The following PCM1 variants were observed in gnomAD, a reference collection of about 807,000 sequenced individuals.
PCM1 encodes pericentriolar material 1 protein.
In PCM1, 157 loss-of-function variants were observed where a neutral mutation model predicts 241.9. That is an observed-to-expected ratio of 0.65 (90% confidence interval 0.57 to 0.74). PCM1 has a LOEUF of 0.74. Ranked by LOEUF, PCM1 falls within the 30% of genes least tolerant of loss-of-function variation. The probability of loss-of-function intolerance (pLI) is 0.00; values close to 1 mark genes in which losing one functional copy is unlikely to be tolerated. For synonymous variants in PCM1, 1,085 were observed against 784.9 expected (o/e 1.38, Z -6.39); for missense variants, 3,478 against 2,360.1 (o/e 1.47, Z -9.81).
At chr8:18,014,110 A>AACAC (rs1554770348) in intron 35 of PCM1, 74 bp downstream of exon 35, 2 of 777,016 alleles carry the variant, frequency 2.6e-6, no homozygotes, top group African/African-American at 1.8e-5. Flanking sequence ...AAAAAAAAAA[A>AACAC]ACACACACAG....
intron 3 of PCM1, 116 bp from the exon 4 acceptor site, chr8:17,937,018 G>A: frequency 5.2e-6 from 4 of 768,922 alleles, no homozygotes; most frequent in Non-Finnish European, 6.1e-6. Context: ...GTATAAGTCT[G>A]TCAAAAATGT....
At position 17,981,920 on chromosome 8, in the gene PCM1, C is replaced by G. The variant is rs540115930; in HGVS notation, c.4108+1165C>G. On this transcript the variant is annotated intron_variant, in intron 24 of 38. Transcript: ENST00000325083. ...GACAAAAGGGGAAAAAAAAAAAAGA[C>G]ATTAAGATTTAGTGTTGTCTCAACA... Among the ~76,000 whole-genome samples the G allele has an allele frequency of 1.1e-4, 17 of 149,732 alleles. No individual in the cohort carries two copies. The East Asian group carries it at 3.3e-3, about 29-fold the overall frequency.
At chr8:17,964,103 G>C (rs1348174920) in intron 17 of PCM1, among the ~76,000 whole-genome samples, 3 of 152,112 alleles carry the variant, frequency 2.0e-5, no homozygotes, top group African/African-American at 7.2e-5. Flanking sequence ...ACTAGATATA[G>C]GTGGTTATTT....
At chr8:18,020,446 C>T (rs1365195042) in intron 36 of PCM1, among the ~76,000 whole-genome samples, 1 of 152,174 alleles carries the variant, frequency 6.6e-6, no homozygotes, top group Non-Finnish European at 1.5e-5. Flanking sequence ...TATCCTTCTC[C>T]TGTCACCTTC....
In PCM1 at chr8:17,947,429, G is replaced by C. The variant is rs545760638; in HGVS notation, c.961+66G>C. ...TCATACATAATTGTATTGCAGGGTGGATGCTGATTATTACATAATCAGATC... is the reference window on the plus strand; with the variant it reads ...TCATACATAATTGTATTGCAGGGTGCATGCTGATTATTACATAATCAGATC... On this transcript the variant is annotated intron_variant, in intron 7 of 38. Transcript: ENST00000325083. 4 of 1,130,370 alleles carry C rather than the reference G, an allele frequency of 3.5e-6. No individual in the cohort carries two copies. In the African/African-American group the frequency reaches 6.2e-5, roughly 18 times the overall value. 70.0% of individuals were successfully genotyped at this position (1,130,370 alleles called of 1,614,324 possible).
In PCM1 at chr8:18,020,827, A is replaced by G. The variant is rs370301324; in HGVS notation, c.5842-4534A>G. Among the ~76,000 whole-genome samples, 29 of 152,260 alleles carry G rather than the reference A, an allele frequency of 1.9e-4. No individual in the cohort carries two copies. The East Asian group carries it at 2.7e-3, about 14-fold the overall frequency. On this transcript the variant is annotated intron_variant, in intron 36 of 38. Transcript: ENST00000325083. ...AGGTATGCCTTTGGAGTGAGTGATG[A>G]TTTTGGAATGTTGTGGAAACAAAGG... is the stretch of plus-strand genomic sequence containing the variant.
At chr8:17,960,741 G>C (rs1344451070) in intron 15 of PCM1, among the ~76,000 whole-genome samples, 1 of 151,898 alleles carries the variant, frequency 6.6e-6, no homozygotes, top group Non-Finnish European at 1.5e-5. Flanking sequence ...AGCCAGGATG[G>C]TTTCGATCTC....
chr8:17,939,252 T>A (rs12546695), intron 5 of PCM1, among the ~76,000 whole-genome samples: 68,099 of 152,018 alleles, frequency 0.45, 17,099 homozygotes, highest in Middle Eastern at 0.59. Flanking sequence ...CAAAATAGCA[T>A]ATTGCCAGTT....
chr8:18,016,582 C>G (rs777735918), intron 36 of PCM1, among the ~76,000 whole-genome samples: 1 of 152,138 alleles, frequency 6.6e-6, no homozygotes, highest in Non-Finnish European at 1.5e-5. Context: ...GACATAATTC[C>G]AAAATTGCCT....
At position 18,006,341 on chromosome 8, in the gene PCM1, G is replaced by T; in HGVS notation, c.4906G>T (p.Asp1636Tyr). 6.2e-7 allele frequency: 1 copy of T among 1,613,138 alleles called. No homozygotes were observed. Among genetic ancestry groups the T allele is most frequent in the Non-Finnish European group, 8.5e-7 (1 of 1,179,270 alleles). The change falls in exon 30 of 39, where the codon GAT (aspartate) becomes TAT (tyrosine). Residue 1636 changes from aspartate to tyrosine, a missense_variant. Physicochemically the swap from Asp to Tyr is radical, Grantham distance 160. Coordinates refer to ENST00000325083, the MANE Select transcript of PCM1 (RefSeq NM_006197.4). ...GGTTTTGACCCTTACCCAGCAAAAT[G>T]ATGAGAGCAAAGAGTTTGTAAAGTT... Reference protein sequence around the residue: ...RMVLTLTQQNDESKEFVKFFH... With the variant: ...RMVLTLTQQNYESKEFVKFFH...
chr8:18,017,456 T>A (rs2093334103), intron 36 of PCM1, among the ~76,000 whole-genome samples: 1 of 151,998 alleles, frequency 6.6e-6, no homozygotes, highest in Non-Finnish European at 1.5e-5. Flanking sequence ...TAGAAAAAAA[T>A]CAGTTTCTGT....
intron 20 of PCM1, 82 bp downstream of exon 20, chr8:17,966,555 G>C (rs980729354): frequency 1.6e-6 from 2 of 1,244,192 alleles, no homozygotes; most frequent in East Asian, 2.4e-5. Flanking sequence ...TGGGAGAAAA[G>C]AGCAAGACCA....
chr8:18,025,415 G>T lies in PCM1; in HGVS notation c.5896G>T (p.Val1966Phe). ...GTCTGATGAAGAAGATTTTGTAAAA[G>T]TTGAAGATTTACCACTGAAACTGAC... Reference protein sequence around the residue: ...QKSDEEDFVKVEDLPLKLTIY... With the variant: ...QKSDEEDFVKFEDLPLKLTIY... Residue 1966 changes from valine to phenylalanine, a missense_variant, in exon 37 of 39, where the codon GTT becomes TTT. Val to Phe is a conservative substitution (Grantham distance 50, BLOSUM62 -1). Transcript: ENST00000325083. The T allele has an allele frequency of 6.2e-7, 1 of 1,604,854 alleles. No homozygotes were observed. The highest frequency in any genetic ancestry group is 8.5e-7 in the Non-Finnish European group (1 of 1,174,006).
At chr8:18,020,742 C>T (rs1054446549) in intron 36 of PCM1, among the ~76,000 whole-genome samples, 5 of 152,170 alleles carry the variant, frequency 3.3e-5, no homozygotes, top group African/African-American at 4.8e-5. Context: ...CGAAGAATTA[C>T]GTGATCTAAG....
intron 34 of PCM1, among the ~76,000 whole-genome samples, chr8:18,012,343 A>G (rs1033454538): frequency 2.6e-5 from 4 of 152,182 alleles, no homozygotes; most frequent in Non-Finnish European, 5.9e-5. Context: ...GCAGTATAAC[A>G]GTGTTCAAAC....
rs545351317 is a variant in PCM1, at chr8:17,945,013, C to G, written c.784-2173C>G. ...TTTTTTCTCCTAATTATAATTTATG[C>G]TTTGCTAGAGGAGTATTTGATCAAC... On this transcript the variant is annotated intron_variant, in intron 6 of 38. Coordinates refer to ENST00000325083, the MANE Select transcript of PCM1 (RefSeq NM_006197.4). Among the ~76,000 whole-genome samples the G allele has an allele frequency of 6.6e-5, 10 of 152,096 alleles. No homozygotes were observed. The East Asian group carries it at 1.7e-3, about 26-fold the overall frequency.
intron 35 of PCM1, 99 bp downstream of exon 35, chr8:18,014,135 CTTAG>C: frequency 1.4e-6 from 1 of 724,100 alleles, no homozygotes; most frequent in Non-Finnish European, 2.3e-6. Context: ...CACTAAAATT[CTTAG>C]TTTGAAAGTA....
At chr8:17,946,072 CTGCTT>C (rs1237761643) in intron 6 of PCM1, among the ~76,000 whole-genome samples, 9 of 152,110 alleles carry the variant, frequency 5.9e-5, no homozygotes, top group Admixed American at 3.3e-4. Context: ...AAATTTGTCT[CTGCTT>C]TGCTTTTCCA....
chr8:18,011,623 T>C (rs1203250183), intron 33 of PCM1, 44 bp from the exon 34 acceptor site: 1 of 1,536,074 alleles, frequency 6.5e-7, no homozygotes, highest in South Asian at 1.2e-5. Context: ...ATTGTTAAGA[T>C]TATGTGCTGA....
Sources: gnomAD v4.1 joint callset for allele counts (sites outside exome capture counted in the v4.1 genomes callset) on GRCh38, gnomAD v4.1.1 for gene constraint, MANE v1.5 for transcripts, NCBI Gene and HGNC (gene_info 2026-07-23, HGNC 2026-07-21) for gene names.